Variants in TTC7A observed in about 807,000 individuals in gnomAD.
TTC7A encodes tetratricopeptide repeat protein 7A.
TTC7A carries 110 observed loss-of-function variants against 103.7 expected under a neutral mutation model. That is an observed-to-expected ratio of 1.06 (90% CI 0.91 to 1.24). TTC7A has a LOEUF of 1.24. Among genes scored for constraint, TTC7A ranks in the 50% most tolerant of loss-of-function variants. TTC7A has a pLI of 0.00. For synonymous variants in TTC7A, 521 were observed against 467.9 expected (o/e 1.11, Z -1.47); for missense variants, 1,340 against 1,116.3 (o/e 1.20, Z -2.86).
intron 1 of TTC7A, among the ~76,000 whole-genome samples, chr2:46,944,247 T>A (rs1044905664): frequency 6.6e-6 from 1 of 152,292 alleles, no homozygotes; most frequent in South Asian, 2.1e-4. Flanking sequence ...AATGAGTCCC[T>A]TGTATCCATC....
At chr2:46,974,067 T>C (rs922331190) in intron 3 of TTC7A, among the ~76,000 whole-genome samples, 1 of 152,172 alleles carries the variant, frequency 6.6e-6, no homozygotes, top group Non-Finnish European at 1.5e-5. Flanking sequence ...TGTACTGCAG[T>C]CCTCATAGGG....
intron 17 of TTC7A, among the ~76,000 whole-genome samples, chr2:47,051,198 A>G (rs1682827626): frequency 6.6e-6 from 1 of 152,234 alleles, no homozygotes; most frequent in Admixed American, 6.5e-5. Context: ...AAGAAAAATC[A>G]TTCCTAATTT....
intron 8 of TTC7A, chr2:46,999,338 A>G (rs1245205345): frequency 5.0e-6 from 1 of 200,034 alleles, no homozygotes; most frequent in African/African-American, 2.4e-5. Context: ...CTGTCCACCT[A>G]TTCATCCACC....
chr2:47,073,958 A>AGAGGG lies in TTC7A; in HGVS notation c.*36_*40dup. The AGAGGG allele has an allele frequency of 6.4e-7, 1 of 1,570,828 alleles. No homozygotes were observed. Among genetic ancestry groups the AGAGGG allele is most frequent in the Non-Finnish European group, 8.7e-7 (1 of 1,151,044 alleles). On this transcript the variant is annotated 3_prime_UTR_variant, in exon 20 of 20. Coordinates refer to ENST00000319190, the MANE Select transcript of TTC7A (RefSeq NM_020458.4). ...AGCCGCAGGGAGGGAGGGGCTGGCC[A>AGAGGG]GAGGGAGAGGCAGCAGGGAACGTGG... is the stretch of plus-strand genomic sequence containing the variant.
intron 5 of TTC7A, among the ~76,000 whole-genome samples, chr2:46,983,599 A>G (rs1674702105): frequency 6.6e-6 from 1 of 152,232 alleles, no homozygotes. Context: ...TTAACTCCTC[A>G]GTGACTTATG....
intron 1 of TTC7A, among the ~76,000 whole-genome samples, chr2:46,942,368 C>G (rs76278987): frequency 0.027 from 4,070 of 152,276 alleles, 84 homozygotes; most frequent in Admixed American, 0.049. Flanking sequence ...CCGCCCCAGT[C>G]TCTAACCTCA....
At chr2:47,032,083 A>G (rs1416596961) in intron 15 of TTC7A, among the ~76,000 whole-genome samples, 1 of 152,072 alleles carries the variant, frequency 6.6e-6, no homozygotes, top group Non-Finnish European at 1.5e-5. Context: ...AAGCTTACTC[A>G]GGTGCTGACT....
chr2:46,916,953 G>A (rs1305705720), intron 1 of TTC7A, among the ~76,000 whole-genome samples: 1 of 150,828 alleles, frequency 6.6e-6, no homozygotes, highest in African/African-American at 2.4e-5. Flanking sequence ...TTTTTTTAAA[G>A]CCCTTCTCCC....
intron 5 of TTC7A, among the ~76,000 whole-genome samples, chr2:46,983,489 G>A (rs559441556): frequency 3.9e-5 from 6 of 152,318 alleles, no homozygotes; most frequent in African/African-American, 1.2e-4. Context: ...CCAGTTGTGA[G>A]CTCCCAGGGA....
chr2:46,922,305 T>TA (rs1423660177), intron 2 of TTC7A, among the ~76,000 whole-genome samples: 4 of 152,230 alleles, frequency 2.6e-5, no homozygotes, highest in African/African-American at 7.2e-5. Context: ...TGAGCGTTTT[T>TA]ATAATTTTTG....
chr2:47,047,436 A>T, intron 16 of TTC7A: 1 of 747,182 alleles, frequency 1.3e-6, no homozygotes, highest in South Asian at 1.8e-5. Flanking sequence ...AAGCTGCCAG[A>T]AGGAGGCTCT....
Position 47,029,256 on chromosome 2 carries a change from C to T in TTC7A, c.1674C>T (p.Ala558=). Residue 558 remains alanine (A), a synonymous_variant, in exon 15 of 20, where the codon GCC becomes GCT. Coordinates refer to ENST00000319190, the MANE Select transcript of TTC7A (RefSeq NM_020458.4). ...ISSAMEQLQE[A]LKVRKDDAHA... ...GTGCCATGGAGCAGCTGCAGGAGGCCCTGAAGGTACGCAAGGATGATGCCC... is the reference window on the plus strand; with the variant it reads ...GTGCCATGGAGCAGCTGCAGGAGGCTCTGAAGGTACGCAAGGATGATGCCC... 6.2e-7 allele frequency: 1 copy of T among 1,613,950 alleles called. No individual in the cohort carries two copies. The highest frequency in any genetic ancestry group is 8.5e-7 in the Non-Finnish European group (1 of 1,180,018).
At chr2:46,991,331 G>A (rs1430309316) in intron 5 of TTC7A, among the ~76,000 whole-genome samples, 1 of 151,872 alleles carries the variant, frequency 6.6e-6, no homozygotes, top group Non-Finnish European at 1.5e-5. Context: ...AGGCATTCTT[G>A]TCTGAATTAT....
chr2:46,935,420 A>C (rs937165180), intron 2 of TTC7A, among the ~76,000 whole-genome samples: 1 of 152,148 alleles, frequency 6.6e-6, no homozygotes, highest in Non-Finnish European at 1.5e-5. Context: ...AAGCAAAAAA[A>C]ATAAAAAAAC....
At chr2:47,010,527 C>T (rs1242850429) in intron 10 of TTC7A, among the ~76,000 whole-genome samples, 3 of 152,062 alleles carry the variant, frequency 2.0e-5, no homozygotes, top group Non-Finnish European at 2.9e-5. Context: ...CACACTTGGC[C>T]GTCCTCAGCA....
intron 11 of TTC7A, among the ~76,000 whole-genome samples, chr2:47,018,371 T>G (rs1678907637): frequency 1.3e-5 from 2 of 151,482 alleles, no homozygotes; most frequent in Non-Finnish European, 2.9e-5. Flanking sequence ...TCACCTGAGC[T>G]CAGGAGTTCG....
chr2:46,997,121 G>A (rs1158917009), intron 8 of TTC7A, among the ~76,000 whole-genome samples: 1 of 152,116 alleles, frequency 6.6e-6, no homozygotes, highest in Non-Finnish European at 1.5e-5. Context: ...TTGGATTACA[G>A]GTGCGCGCCA....
At position 46,947,723 on chromosome 2, in the gene TTC7A, C is replaced by G. The variant is rs1480566278; in HGVS notation, c.185-2640C>G. Among the ~76,000 whole-genome samples the G allele has an allele frequency of 3.3e-5, 5 of 152,002 alleles. No individual in the cohort carries two copies. In the East Asian group the frequency reaches 7.7e-4, roughly 23 times the overall value. Reference sequence around the variant, plus strand: ...TAGAGACCCTGTCTGAAAATAAATTCCCAATCTGTTATGCTCTGATACTTT... The same window carrying G: ...TAGAGACCCTGTCTGAAAATAAATTGCCAATCTGTTATGCTCTGATACTTT... On this transcript the variant is annotated intron_variant, in intron 1 of 19. Coordinates refer to ENST00000319190, the MANE Select transcript of TTC7A (RefSeq NM_020458.4).
chr2:47,038,093 A>G (rs2104647079), intron 15 of TTC7A, among the ~76,000 whole-genome samples: 1 of 152,138 alleles, frequency 6.6e-6, no homozygotes, highest in Non-Finnish European at 1.5e-5. Flanking sequence ...TGTACTAAAA[A>G]TAAATTTAAA....
Sources: allele counts gnomAD v4.1 joint callset (sites outside exome capture counted in the v4.1 genomes callset), GRCh38; gene constraint gnomAD v4.1.1; transcripts MANE v1.5; gene names NCBI Gene and HGNC (gene_info 2026-07-23, HGNC 2026-07-21).